Variants in RCAN2 observed in about 807,000 individuals in gnomAD.
RCAN2 encodes the protein calcipressin-2.
RCAN2 carries 9 observed loss-of-function variants against 23.6 expected under a neutral mutation model. That is an observed-to-expected ratio of 0.38 (90% confidence interval 0.23 to 0.67). RCAN2 has a LOEUF of 0.67. Ranked by LOEUF, RCAN2 falls within the 30% of genes least tolerant of loss-of-function variation. The pLI is 0.51. For missense variants in RCAN2, 273 were observed against 302.3 expected (o/e 0.90, Z 0.72); for synonymous variants, 109 against 115.7 (o/e 0.94, Z 0.37).
In RCAN2 at chr6:46,442,376, C is replaced by A. The variant is rs112050183; in HGVS notation, c.225+14376G>T. 4.7e-3 allele frequency among the ~76,000 whole-genome samples: 711 copies of A among 152,320 alleles called. 4 individuals are homozygous for A. The highest frequency in any genetic ancestry group is 0.016 in the African/African-American group (681 of 41,578). On this transcript the variant is annotated intron_variant, in intron 2 of 4. Transcript: ENST00000371374. ...CCAGGAAGTGAGTGGCAGATGAAAT[C>A]TAGCCTACCCCTCCACCACCACCAA...
intron 2 of RCAN2, among the ~76,000 whole-genome samples, chr6:46,271,879 A>G (rs1406814236): frequency 1.3e-5 from 2 of 152,110 alleles, no homozygotes; most frequent in Non-Finnish European, 1.5e-5. Context: ...CTGTTTCCCC[A>G]TCTCTGAAAA....
chr6:46,349,061 C>T (rs1376975269), intron 2 of RCAN2, among the ~76,000 whole-genome samples: 1 of 152,136 alleles, frequency 6.6e-6, no homozygotes, highest in African/African-American at 2.4e-5. Flanking sequence ...CAAAACCATA[C>T]AGCAAATTCA....
At chr6:46,449,684 T>C (rs1268856641) in intron 2 of RCAN2, among the ~76,000 whole-genome samples, 1 of 151,744 alleles carries the variant, frequency 6.6e-6, no homozygotes, top group Non-Finnish European at 1.5e-5. Context: ...TTACAGTCAA[T>C]TGATTTTCCA....
chr6:46,260,505 G>C lies in RCAN2; in HGVS notation c.226-11609C>G, dbSNP rs535347629. Among the ~76,000 whole-genome samples the C allele has an allele frequency of 2.6e-5, 4 of 152,238 alleles. No individual in the cohort carries two copies. The South Asian group carries it at 8.3e-4, about 32-fold the overall frequency. ...CAAGTGAGGGGATTGCTTGGAACCT[G>C]TCCTGGAAGCTGTCCAATAAGTAGG... On this transcript the variant is annotated intron_variant, in intron 2 of 4. Transcript: ENST00000371374.
chr6:46,403,010 G>A (rs915400141), intron 2 of RCAN2, among the ~76,000 whole-genome samples: 3 of 151,774 alleles, frequency 2.0e-5, no homozygotes, highest in South Asian at 4.2e-4. Flanking sequence ...TGTTACCCAG[G>A]CTGGAGTGCA....
At chr6:46,322,640 A>T (rs1373900008) in intron 2 of RCAN2, among the ~76,000 whole-genome samples, 4 of 152,376 alleles carry the variant, frequency 2.6e-5, no homozygotes, top group Non-Finnish European at 4.4e-5. Flanking sequence ...CATGGGGGCT[A>T]CATGTAGAAA....
At chr6:46,259,329 T>C (rs984333090) in intron 2 of RCAN2, among the ~76,000 whole-genome samples, 8 of 152,184 alleles carry the variant, frequency 5.3e-5, no homozygotes, top group African/African-American at 1.9e-4. Context: ...ATGCTAGGGC[T>C]CTATTAAGTC....
rs533273198 is a variant in RCAN2 at position 46,449,396 on chromosome 6, A to G, written c.225+7356T>C. 5.3e-5 allele frequency among the ~76,000 whole-genome samples: 8 copies of G among 151,606 alleles called. No individual in the cohort carries two copies. In the East Asian group the frequency reaches 1.5e-3, roughly 29 times the overall value. ...ATTAGTATTAATATTAAATATTAAC[A>G]TTTAATATTATTAAAATGTTCATAC... On this transcript the variant is annotated intron_variant, in intron 2 of 4. Coordinates refer to ENST00000371374, the MANE Select transcript of RCAN2 (RefSeq NM_001251974.2).
chr6:46,398,134 G>A (rs992417750), intron 2 of RCAN2, among the ~76,000 whole-genome samples: 1 of 152,130 alleles, frequency 6.6e-6, no homozygotes, highest in African/African-American at 2.4e-5. Context: ...TTTGCTAAGT[G>A]AAAACAAATT....
At chr6:46,314,404 G>C (rs1763364245) in intron 2 of RCAN2, among the ~76,000 whole-genome samples, 1 of 143,454 alleles carries the variant, frequency 7.0e-6, no homozygotes, top group South Asian at 2.3e-4. Flanking sequence ...CCACAAAAAA[G>C]ATGTTTACTA....
At chr6:46,350,657 C>T (rs1254135860) in intron 2 of RCAN2, among the ~76,000 whole-genome samples, 1 of 152,196 alleles carries the variant, frequency 6.6e-6, no homozygotes, top group African/African-American at 2.4e-5. Flanking sequence ...AAAGGATATA[C>T]AGGAGTCACT....
chr6:46,432,852 A>G (rs1312008893), intron 2 of RCAN2, among the ~76,000 whole-genome samples: 1 of 152,190 alleles, frequency 6.6e-6, no homozygotes, highest in Non-Finnish European at 1.5e-5. Flanking sequence ...TGACTCCAGA[A>G]AGTGGGGTAT....
chr6:46,372,207 A>G (rs1374662217), intron 2 of RCAN2, among the ~76,000 whole-genome samples: 1 of 152,226 alleles, frequency 6.6e-6, no homozygotes, highest in Non-Finnish European at 1.5e-5. Flanking sequence ...CATGACAGCA[A>G]CAATCGTATT....
chr6:46,418,695 G>GTATATATATATATATATATA (rs70996369), intron 2 of RCAN2, among the ~76,000 whole-genome samples: 11 of 121,348 alleles, frequency 9.1e-5, no homozygotes, highest in South Asian at 2.9e-4. Context: ...ATGTGTGTGT[G>GTATATATATATATATATATA]TATATATATA....
intron 2 of RCAN2, among the ~76,000 whole-genome samples, chr6:46,375,445 T>C (rs187867566): frequency 1.3e-5 from 2 of 152,284 alleles, no homozygotes; most frequent in Non-Finnish European, 2.9e-5. Flanking sequence ...GATCACATCT[T>C]TCCCCTGTTC....
In RCAN2 at chr6:46,233,362, A is replaced by G. The variant is rs191344959; in HGVS notation, c.572-10061T>C. 1.7e-3 allele frequency among the ~76,000 whole-genome samples: 254 copies of G among 152,350 alleles called. 1 individual carries two copies. Among genetic ancestry groups the G allele is most frequent in the African/African-American group, 5.7e-3 (236 of 41,584 alleles). On this transcript the variant is annotated intron_variant, in intron 4 of 4. Coordinates refer to ENST00000371374, the MANE Select transcript of RCAN2 (RefSeq NM_001251974.2). The stretch of plus-strand genomic sequence containing the variant: ...AAATATGGTGGTGATTCTTGTTTTT[A>G]TGTATAGAATTTTTTTTTAAGTTCT...
intron 2 of RCAN2, among the ~76,000 whole-genome samples, chr6:46,336,844 T>C (rs1649660269): frequency 2.0e-5 from 3 of 151,570 alleles, no homozygotes; most frequent in African/African-American, 7.3e-5. Flanking sequence ...GAAATGAATG[T>C]GGGAAACACC....
In RCAN2 at chr6:46,402,974, T is replaced by C. The variant is rs142791082; in HGVS notation, c.225+53778A>G. On this transcript the variant is annotated intron_variant, in intron 2 of 4. Coordinates refer to ENST00000371374, the MANE Select transcript of RCAN2 (RefSeq NM_001251974.2). Reference sequence around the variant, plus strand: ...TGCTATGCTACATTTGAATTTTTTTTTTTTTTTTGAGACGGAGTCTCGCTC... The same window carrying C: ...TGCTATGCTACATTTGAATTTTTTTCTTTTTTTTGAGACGGAGTCTCGCTC... 3.9e-5 allele frequency among the ~76,000 whole-genome samples: 6 copies of C among 152,162 alleles called. No homozygotes were observed. The East Asian group carries it at 1.2e-3, about 30-fold the overall frequency.
chr6:46,321,845 A>C (rs954495781), intron 2 of RCAN2, among the ~76,000 whole-genome samples: 2 of 152,198 alleles, frequency 1.3e-5, no homozygotes, highest in East Asian at 3.9e-4. Context: ...CCGTTTTTAA[A>C]ACTGCATACA....
Sources: allele counts gnomAD v4.1 joint callset (sites outside exome capture counted in the v4.1 genomes callset), GRCh38; gene constraint gnomAD v4.1.1; transcripts MANE v1.5; gene names NCBI Gene and HGNC (gene_info 2026-07-23, HGNC 2026-07-21).